The following CLPSL2 variants were observed in gnomAD, a reference collection of about 807,000 sequenced individuals.
CLPSL2 encodes the protein colipase like 2.
In CLPSL2, 4 loss-of-function variants were observed where a neutral mutation model predicts 7.9. The observed-to-expected ratio is 0.50, with a 90% CI of 0.25 to 1.15. The LOEUF is 1.15. Ranked by LOEUF, CLPSL2 falls within the 50% of genes most tolerant of loss-of-function variation. The pLI is 0.15. For synonymous variants in CLPSL2, 67 were observed against 53.1 expected, an observed-to-expected ratio of 1.26 and a Z score of -1.14; for missense variants, 132 against 136.6, an observed-to-expected ratio of 0.97 and a Z score of 0.17.
intron 2 of CLPSL2, among the ~76,000 whole-genome samples, chr6:35,778,298 C>T (rs1337486236): frequency 1.3e-5 from 2 of 152,204 alleles, no homozygotes; most frequent in South Asian, 4.1e-4. Flanking sequence ...TCTCTCACAC[C>T]ACTGAGGCAG....
At chr6:35,779,114 A>G (rs751041269) in intron 2 of CLPSL2, among the ~76,000 whole-genome samples, 16 of 151,832 alleles carry the variant, frequency 1.1e-4, no homozygotes, top group African/African-American at 3.6e-4. Context: ...GCTCTATCTC[A>G]TTTAGTCCTC....
At position 35,778,136 on chromosome 6, in the gene CLPSL2, G is replaced by T. The variant is rs375381098; in HGVS notation, c.207+555G>T. ...ATGCCTGGCTAATTTTCGTATCTTT[G>T]GTAGAGATGGGGTTTTGCCATGTTG... On this transcript the variant is annotated intron_variant, in intron 2 of 2. Transcript: ENST00000403376. Among the ~76,000 whole-genome samples the T allele has an allele frequency of 1.1e-4, 17 of 152,200 alleles. No individual in the cohort carries two copies. In the South Asian group the frequency reaches 3.3e-3, roughly 30 times the overall value.
At chr6:35,778,565 C>G (rs1196935467) in intron 2 of CLPSL2, among the ~76,000 whole-genome samples, 1 of 152,230 alleles carries the variant, frequency 6.6e-6, no homozygotes, top group Non-Finnish European at 1.5e-5. Flanking sequence ...TTATGTGGTC[C>G]TGGCAAGGAG....
chr6:35,777,419 A>T, intron 1 of CLPSL2, 40 bp from the exon 2 acceptor site: 1 of 1,573,528 alleles, frequency 6.4e-7, no homozygotes, highest in Non-Finnish European at 8.7e-7. Flanking sequence ...CGACTCAGGG[A>T]TTGCTCCCAG....
chr6:35,777,577 C>T lies in CLPSL2; in HGVS notation c.203C>T (p.Pro68Leu), dbSNP rs773419719. ...PRARITMICL[P>L]QTKGATNIIC... Reference sequence around the variant, plus strand: ...GCCAGAATAACCATGATCTGCTTGCCCCAGGTGAGGCCCTAGTATGGGGCA... The same window carrying T: ...GCCAGAATAACCATGATCTGCTTGCTCCAGGTGAGGCCCTAGTATGGGGCA... Residue 68 changes from proline (P) to leucine (L), a missense_variant, in exon 2 of 3, where the codon CCC becomes CTC. Pro to Leu is a moderately conservative substitution (Grantham distance 98). Transcript: ENST00000403376. 3 of 1,613,166 alleles carry T rather than the reference C, an allele frequency of 1.9e-6. No individual in the cohort carries two copies. Among genetic ancestry groups the T allele is most frequent in the Non-Finnish European group, 2.5e-6 (3 of 1,179,612 alleles).
intron 1 of CLPSL2, 53 bp from the exon 2 acceptor site, chr6:35,777,406 A>G (rs1767859698): frequency 2.6e-6 from 4 of 1,560,890 alleles, no homozygotes; most frequent in Non-Finnish European, 3.5e-6. Flanking sequence ...CTACCCGCCC[A>G]CACGACTCAG....
chr6:35,777,353 C>G, intron 1 of CLPSL2, 106 bp from the exon 2 acceptor site: 1 of 1,336,116 alleles, frequency 7.5e-7, no homozygotes, highest in South Asian at 1.3e-5. Flanking sequence ...CTCATGACTT[C>G]TCCTGGATCC....
intron 2 of CLPSL2, 57 bp downstream of exon 2, chr6:35,777,638 A>G: frequency 6.6e-6 from 10 of 1,517,590 alleles, no homozygotes; most frequent in Non-Finnish European, 8.8e-6. Flanking sequence ...AGGGAGGTTA[A>G]AAAAAAAACA....
rs576215514 is a variant in CLPSL2 at position 35,777,463 on chromosome 6, T to C, written c.89T>C (p.Ile30Thr). 1 of 1,611,402 alleles carries C rather than the reference T, an allele frequency of 6.2e-7. No individual in the cohort carries two copies. The highest frequency in any genetic ancestry group is 1.3e-5 in the African/African-American group (1 of 74,904). Reference protein sequence around the residue: ...WSALPQYKKKITDRCFHHSEC... With the variant: ...WSALPQYKKKTTDRCFHHSEC... ...ACATTCTGCCTGTCCCCACAGAAAA[T>C]CACAGACAGGTGCTTCCACCACTCT... is the stretch of plus-strand genomic sequence containing the variant. Residue 30 changes from isoleucine (I) to threonine (T), a missense_variant, in exon 2 of 3, where the codon ATC (isoleucine) becomes ACC (threonine). Transcript: ENST00000403376.
intron 1 of CLPSL2, 25 bp downstream of exon 1, chr6:35,776,727 G>A (rs1394388594): frequency 4.4e-6 from 6 of 1,362,814 alleles, no homozygotes; most frequent in Non-Finnish European, 5.6e-6. Flanking sequence ...GCGCCCAGCC[G>A]GCCGCGACCG....
At position 35,777,598 on chromosome 6, in the gene CLPSL2, G is replaced by A. The variant is rs1390825563; in HGVS notation, c.207+17G>A. 3.1e-6 allele frequency: 5 copies of A among 1,604,790 alleles called. No individual in the cohort carries two copies. Among genetic ancestry groups the A allele is most frequent in the Middle Eastern group, 1.7e-4 (1 of 5,912 alleles). ...TTGCCCCAGGTGAGGCCCTAGTATG[G>A]GGCAACTTCTGGCAAGTAGAGAAGC... On this transcript the variant is annotated intron_variant, in intron 2 of 2. Coordinates refer to ENST00000403376, the MANE Select transcript of CLPSL2 (RefSeq NM_207409.4).
In CLPSL2 at chr6:35,776,715, G is replaced by C. The variant is rs1466396780; in HGVS notation, c.84+13G>C. On this transcript the variant is annotated intron_variant, in intron 1 of 2. Transcript: ENST00000403376. The stretch of plus-strand genomic sequence containing the variant: ...GCAATATAAAAAGGTGAGCCGGGGA[G>C]CGCGCCCAGCCGGCCGCGACCGCAG... 2 of 1,378,390 alleles carry C rather than the reference G, an allele frequency of 1.5e-6. No homozygotes were observed. Among genetic ancestry groups the C allele is most frequent in the East Asian group, 3.1e-5 (1 of 32,424 alleles). 85.4% of individuals were successfully genotyped at this position (1,378,390 alleles called of 1,614,324 possible).
chr6:35,779,480 T>TTAGGA lies in CLPSL2; in HGVS notation c.*30_*31insTAGGA. 1 of 1,557,224 alleles carries TTAGGA rather than the reference T, an allele frequency of 6.4e-7. No individual in the cohort carries two copies. Among genetic ancestry groups the TTAGGA allele is most frequent in the Non-Finnish European group, 8.7e-7 (1 of 1,150,116 alleles). On this transcript the variant is annotated 3_prime_UTR_variant, in exon 3 of 3. Transcript: ENST00000403376. The stretch of plus-strand genomic sequence containing the variant: ...AGATGCAGGCTGGTCACTGCTCCCT[T>TTAGGA]GGGGCCATAGGCCCTGGTTGCCACC...
In CLPSL2 at chr6:35,777,491, G is replaced by A. The variant is rs1250507181; in HGVS notation, c.117G>A (p.Glu39=). ...KITDRCFHHS[E]CYSGCCLMDL... ...CAGACAGGTGCTTCCACCACTCTGA[G>A]TGCTACAGTGGCTGCTGCCTCATGG... Residue 39 remains glutamate, a synonymous_variant, in exon 2 of 3, where the codon GAG becomes GAA. Coordinates refer to ENST00000403376, the MANE Select transcript of CLPSL2 (RefSeq NM_207409.4). 1.2e-6 allele frequency: 2 copies of A among 1,613,832 alleles called. No individual in the cohort carries two copies.
At chr6:35,777,703 T>C in intron 2 of CLPSL2, 122 bp downstream of exon 2, 1 of 1,154,028 alleles carries the variant, frequency 8.7e-7, no homozygotes, top group Admixed American at 2.5e-5. Flanking sequence ...TCTTCTCCAC[T>C]TGGCAAACTC....
At chr6:35,778,967 T>C (rs1767904705) in intron 2 of CLPSL2, among the ~76,000 whole-genome samples, 1 of 152,056 alleles carries the variant, frequency 6.6e-6, no homozygotes, top group Admixed American at 6.6e-5. Flanking sequence ...TATTAGTCCA[T>C]GACCATGTTG....
intron 2 of CLPSL2, 55 bp downstream of exon 2, chr6:35,777,636 TA>T (rs150177330): frequency 0.02 from 26,151 of 1,338,994 alleles, 223 homozygotes; most frequent in South Asian, 0.042. Flanking sequence ...GCAGGGAGGT[TA>T]AAAAAAAAAC....
In CLPSL2 at chr6:35,777,531, G is replaced by A; in HGVS notation, c.157G>A (p.Gly53Arg). The A allele has an allele frequency of 6.2e-7, 1 of 1,613,774 alleles. No homozygotes were observed. The highest frequency in any genetic ancestry group is 8.5e-7 in the Non-Finnish European group (1 of 1,179,834). Residue 53 changes from glycine to arginine, a missense_variant, in exon 2 of 3, where the codon GGA (glycine) becomes AGA (arginine). By Grantham distance (125) the Gly-to-Arg change is moderately radical. Transcript: ENST00000403376. ...GCCLMDLDSG[G>R]AFCAPRARIT... Reference sequence around the variant, plus strand: ...CTGCCTCATGGACTTGGACTCCGGTGGAGCCTTCTGTGCCCCCAGGGCCAG... The same window carrying A: ...CTGCCTCATGGACTTGGACTCCGGTAGAGCCTTCTGTGCCCCCAGGGCCAG...
intron 2 of CLPSL2, 95 bp from the exon 3 acceptor site, chr6:35,779,260 A>G: frequency 9.9e-7 from 1 of 1,006,934 alleles, no homozygotes; most frequent in Non-Finnish European, 1.5e-6. Context: ...GTCTTACTCC[A>G]GGCCTGGTAC....
Sources: allele counts gnomAD v4.1 joint callset (sites outside exome capture counted in the v4.1 genomes callset), GRCh38; gene constraint gnomAD v4.1.1; transcripts MANE v1.5; gene names NCBI Gene and HGNC (gene_info 2026-07-23, HGNC 2026-07-21).